The following ATG7 variants were observed in gnomAD, a reference collection of about 807,000 sequenced individuals.
ATG7 encodes autophagy related 7.
A neutral mutation model predicts 82.4 loss-of-function variants in ATG7; 70 were observed. That is an observed-to-expected ratio of 0.85 (90% CI 0.70 to 1.04). The LOEUF (loss-of-function observed/expected upper bound fraction) is 1.04, where lower values mean the gene tolerates loss of function less well. Among genes scored for constraint, ATG7 ranks in the 50% least tolerant of loss-of-function variants. The pLI, the probability that ATG7 is intolerant of heterozygous loss-of-function variation, is 0.00. For missense variants in ATG7, 792 were observed against 864.3 expected (o/e 0.92, Z 1.05); for synonymous variants, 287 against 313.0 (o/e 0.92, Z 0.88).
chr3:11,422,740 C>CTTTTTTTTTTTTTTTTTTTTTT (rs557755646), intron 19 of ATG7, among the ~76,000 whole-genome samples: 2 of 49,546 alleles, frequency 4.0e-5, no homozygotes, highest in African/African-American at 2.0e-4. Flanking sequence ...TCATTTCTAG[C>CTTTTTTTTTTTTTTTTTTTTTT]TTTTTTTTTT....
Position 11,556,610 on chromosome 3 carries a change from T to TCAA in ATG7, c.*1769_*1771dup, listed in dbSNP as rs1369477965. 3.9e-5 allele frequency: 6 copies of TCAA among 151,956 alleles called. No individual in the cohort carries two copies. Among genetic ancestry groups the TCAA allele is most frequent in the Admixed American group, 6.6e-5 (1 of 15,252 alleles). The allele number at this position is 151,956 out of a possible 1,614,324, so 9.4% of individuals were successfully genotyped here. ...GACAAATCTACGACAAAAAAAAAGATCAACTTTTTTTTTCCGAACAACAAA... is the reference window on the plus strand; with the variant it reads ...GACAAATCTACGACAAAAAAAAAGATCAACAACTTTTTTTTTCCGAACAACAAA... On this transcript the variant is annotated 3_prime_UTR_variant, in exon 21 of 21. Transcript: ENST00000693202.
intron 20 of ATG7, among the ~76,000 whole-genome samples, chr3:11,456,537 G>A (rs1267474438): frequency 1.3e-5 from 2 of 152,040 alleles, no homozygotes; most frequent in Admixed American, 1.3e-4. Context: ...TAACTTTTTT[G>A]TTCTATTCTT....
intron 9 of ATG7, among the ~76,000 whole-genome samples, chr3:11,328,178 G>A (rs976664040): frequency 1.3e-5 from 2 of 152,176 alleles, no homozygotes; most frequent in Non-Finnish European, 2.9e-5. Flanking sequence ...GATATTAGTA[G>A]CTCTATGTAT....
chr3:11,432,037 A>T (rs749523313), intron 20 of ATG7, among the ~76,000 whole-genome samples: 14 of 152,326 alleles, frequency 9.2e-5, no homozygotes, highest in African/African-American at 1.4e-4. Context: ...TGCTGTTGAG[A>T]TTAGCAGGCA....
intron 20 of ATG7, among the ~76,000 whole-genome samples, chr3:11,526,296 C>CA (rs2092577204): frequency 6.6e-6 from 1 of 152,070 alleles, no homozygotes; most frequent in African/African-American, 2.4e-5. Flanking sequence ...GTGGCTGAGG[C>CA]AAGAGAGTCA....
At chr3:11,345,233 C>T (rs1212356002) in intron 13 of ATG7, among the ~76,000 whole-genome samples, 1 of 151,872 alleles carries the variant, frequency 6.6e-6, no homozygotes, top group Non-Finnish European at 1.5e-5. Flanking sequence ...GTTGAAACCC[C>T]GTCTCTACTA....
intron 1 of ATG7, chr3:11,277,428 T>C (rs931003799): frequency 2.0e-5 from 3 of 152,368 alleles, no homozygotes; most frequent in African/African-American, 7.2e-5. Flanking sequence ...AGGTATGTTC[T>C]TTCTATTTTC....
At chr3:11,406,871 G>A (rs1456203868) in intron 19 of ATG7, among the ~76,000 whole-genome samples, 1 of 152,108 alleles carries the variant, frequency 6.6e-6, no homozygotes, top group Non-Finnish European at 1.5e-5. Context: ...CATAACATAT[G>A]GGAATTATGG....
At chr3:11,486,570 C>T (rs892226590) in intron 20 of ATG7, among the ~76,000 whole-genome samples, 1 of 151,082 alleles carries the variant, frequency 6.6e-6, no homozygotes, top group East Asian at 1.9e-4. Flanking sequence ...ACTTCCAACA[C>T]TATGTTGAAT....
chr3:11,538,957 C>A (rs2070591797), intron 20 of ATG7, among the ~76,000 whole-genome samples: 1 of 151,984 alleles, frequency 6.6e-6, no homozygotes, highest in Non-Finnish European at 1.5e-5. Flanking sequence ...CCTAAGATGT[C>A]CTCCTGGAAG....
At chr3:11,504,649 A>G (rs1357432387) in intron 20 of ATG7, among the ~76,000 whole-genome samples, 2 of 152,232 alleles carry the variant, frequency 1.3e-5, no homozygotes, top group African/African-American at 4.8e-5. Flanking sequence ...TATATTTAGG[A>G]GGTTTAGACA....
At chr3:11,403,052 G>A (rs1016399202) in intron 19 of ATG7, among the ~76,000 whole-genome samples, 84 of 152,124 alleles carry the variant, frequency 5.5e-4, no homozygotes, top group African/African-American at 1.9e-3. Flanking sequence ...TGATTACAAC[G>A]TTGAATAGTA....
intron 20 of ATG7, chr3:11,446,636 T>C (rs1159601918): frequency 6.7e-6 from 2 of 296,858 alleles, no homozygotes; most frequent in Non-Finnish European, 1.3e-5. Flanking sequence ...TTGAGCAGAC[T>C]GCAAGCCTGA....
In ATG7 at chr3:11,517,533, AG is replaced by A. The variant is rs992741477; in HGVS notation, c.2080-37276del. On this transcript the variant is annotated intron_variant, in intron 20 of 20. Coordinates refer to ENST00000693202, the MANE Select transcript of ATG7 (RefSeq NM_001349232.2). ...CTAGTCGGAGTCAGCAGGCACACAG[AG>A]GCCTGCTGAGATGGAGAATCGATGC... is the stretch of plus-strand genomic sequence containing the variant. 1.1e-3 allele frequency among the ~76,000 whole-genome samples: 175 copies of A among 152,250 alleles called. 4 individuals are homozygous for A. The highest frequency in any genetic ancestry group is 4.1e-3 in the African/African-American group (171 of 41,552).
At chr3:11,516,577 C>T (rs1639035236) in intron 20 of ATG7, among the ~76,000 whole-genome samples, 1 of 152,132 alleles carries the variant, frequency 6.6e-6, no homozygotes, top group Non-Finnish European at 1.5e-5. Flanking sequence ...TTGAGATTTA[C>T]CCGAATTAGT....
chr3:11,397,885 T>C (rs966647576), intron 19 of ATG7, among the ~76,000 whole-genome samples: 2 of 150,236 alleles, frequency 1.3e-5, no homozygotes, highest in African/African-American at 2.4e-5. Flanking sequence ...GAGTTTGAGA[T>C]CAGCCTGGCC....
At chr3:11,469,988 C>CAAAAAA (rs10628540) in intron 20 of ATG7, among the ~76,000 whole-genome samples, 1,603 of 87,264 alleles carry the variant, frequency 0.018, 107 homozygotes, top group Middle Eastern at 0.036. Context: ...GACTCCATCT[C>CAAAAAA]AAAAAAAAAA....
chr3:11,437,258 C>T (rs1330648221), intron 20 of ATG7, among the ~76,000 whole-genome samples: 1 of 152,160 alleles, frequency 6.6e-6, no homozygotes, highest in Non-Finnish European at 1.5e-5. Flanking sequence ...GGATCTCTTC[C>T]ATTTTTATTG....
intron 20 of ATG7, among the ~76,000 whole-genome samples, chr3:11,497,389 A>T (rs2090929556): frequency 8.0e-6 from 1 of 125,558 alleles, no homozygotes; most frequent in African/African-American, 2.9e-5. Context: ...ATATATATAT[A>T]TATTTAGCCA....
Sources: gnomAD v4.1 joint callset for allele counts (sites outside exome capture counted in the v4.1 genomes callset) on GRCh38, gnomAD v4.1.1 for gene constraint, MANE v1.5 for transcripts, NCBI Gene and HGNC (gene_info 2026-07-23, HGNC 2026-07-21) for gene names.